Variants in WWC1 observed in about 807,000 individuals in gnomAD.
The protein encoded by WWC1 is WW and C2 domain containing 1, also known as protein KIBRA.
A neutral mutation model predicts 138.4 loss-of-function variants in WWC1; 55 were observed. The observed-to-expected ratio is 0.40, with a 90% CI of 0.32 to 0.50. The LOEUF (loss-of-function observed/expected upper bound fraction) is 0.50, where lower values mean the gene tolerates loss of function less well. Ranked by LOEUF, WWC1 falls within the 20% of genes least tolerant of loss-of-function variation. The pLI, the probability that WWC1 is intolerant of heterozygous loss-of-function variation, is 0.72. For synonymous variants in WWC1, 524 were observed against 564.9 expected, an observed-to-expected ratio of 0.93 and a Z score of 1.03; for missense variants, 1,226 against 1,420.4, an observed-to-expected ratio of 0.86 and a Z score of 2.20.
chr5:168,408,335 A>G (rs1779960530), intron 6 of WWC1, among the ~76,000 whole-genome samples, 172 bp from the exon 7 acceptor site: 1 of 148,744 alleles, frequency 6.7e-6, no homozygotes, highest in Non-Finnish European at 1.5e-5. Flanking sequence ...AGCCTGGCAC[A>G]CAGCAAGGAC....
chr5:168,383,187 A>C (rs1420050425), intron 2 of WWC1, among the ~76,000 whole-genome samples: 1 of 151,872 alleles, frequency 6.6e-6, no homozygotes, highest in Non-Finnish European at 1.5e-5. Flanking sequence ...AAAAACAAAA[A>C]AAAAAAAAGA....
Position 168,408,366 on chromosome 5 carries a change from A to T in WWC1, c.721-141A>T, listed in dbSNP as rs35446328. On this transcript the variant is annotated intron_variant, in intron 6 of 22. Coordinates refer to ENST00000265293, the MANE Select transcript of WWC1 (RefSeq NM_015238.3). Reference sequence around the variant, plus strand: ...AGGACCCACTCACTGCTAGCTCTCTATCACAGGATCAGTAGGATATCTGGG... The same window carrying T: ...AGGACCCACTCACTGCTAGCTCTCTTTCACAGGATCAGTAGGATATCTGGG... 129,823 of 978,062 alleles carry T rather than the reference A, an allele frequency of 0.13. 9,360 individuals are homozygous for T. Among genetic ancestry groups the T allele is most frequent in the Non-Finnish European group, 0.14 (95,212 of 666,142 alleles). The allele number at this position is 978,062 out of a possible 1,614,324, so 60.6% of individuals were successfully genotyped here.
At chr5:168,363,445 A>T (rs1776033926) in intron 1 of WWC1, among the ~76,000 whole-genome samples, 1 of 138,940 alleles carries the variant, frequency 7.2e-6, no homozygotes. Flanking sequence ...AATCACTTGA[A>T]CCCTGGGAGG....
At chr5:168,359,558 A>G (rs969566710) in intron 1 of WWC1, among the ~76,000 whole-genome samples, 2 of 152,214 alleles carry the variant, frequency 1.3e-5, no homozygotes, top group Admixed American at 1.3e-4. Flanking sequence ...GATTTTAAGA[A>G]GCACCATTAT....
At chr5:168,367,869 AAAAG>A (rs1372256478) in intron 1 of WWC1, among the ~76,000 whole-genome samples, 1 of 152,186 alleles carries the variant, frequency 6.6e-6, no homozygotes, top group East Asian at 1.9e-4. Flanking sequence ...TTAATAAAAA[AAAAG>A]AAAGAGAAGA....
At chr5:168,374,386 G>A (rs1045075405) in intron 2 of WWC1, among the ~76,000 whole-genome samples, 1 of 142,812 alleles carries the variant, frequency 7.0e-6, no homozygotes, top group African/African-American at 2.6e-5. Context: ...TAAATATGAT[G>A]TGGTCTTCCG....
At chr5:168,295,762 C>G (rs1769484208) in intron 1 of WWC1, among the ~76,000 whole-genome samples, 1 of 152,182 alleles carries the variant, frequency 6.6e-6, no homozygotes, top group South Asian at 2.1e-4. Context: ...CAGTTTTCAG[C>G]TTCCCCTTTC....
intron 16 of WWC1, among the ~76,000 whole-genome samples, chr5:168,442,841 A>G (rs1754906424): frequency 6.6e-6 from 1 of 151,530 alleles, no homozygotes; most frequent in African/African-American, 2.4e-5. Context: ...CATCTCAGAA[A>G]AAAAAAAAAA....
At chr5:168,329,183 C>T (rs1168794713) in intron 1 of WWC1, among the ~76,000 whole-genome samples, 1 of 152,180 alleles carries the variant, frequency 6.6e-6, no homozygotes, top group Non-Finnish European at 1.5e-5. Context: ...CTTGATTGCA[C>T]TGCTGACTGA....
chr5:168,382,014 A>C (rs993856177), intron 2 of WWC1, among the ~76,000 whole-genome samples: 2 of 152,158 alleles, frequency 1.3e-5, no homozygotes, highest in African/African-American at 4.8e-5. Flanking sequence ...TATCCCACAG[A>C]ATTAATAGCA....
At chr5:168,309,769 A>G (rs1770902199) in intron 1 of WWC1, among the ~76,000 whole-genome samples, 1 of 151,950 alleles carries the variant, frequency 6.6e-6, no homozygotes, top group African/African-American at 2.4e-5. Flanking sequence ...TAGAACATGG[A>G]GACCTCTCCC....
chr5:168,355,631 A>G (rs1775348821), intron 1 of WWC1, among the ~76,000 whole-genome samples: 3 of 152,098 alleles, frequency 2.0e-5, no homozygotes, highest in African/African-American at 7.2e-5. Flanking sequence ...TGAGGTGGGA[A>G]TGAGGTTACT....
chr5:168,291,996 C>T lies in WWC1; in HGVS notation c.-157C>T. The T allele has an allele frequency of 1.2e-6, 1 of 820,858 alleles. No homozygotes were observed. The highest frequency in any genetic ancestry group is 1.7e-6 in the Non-Finnish European group (1 of 596,834). The allele number at this position is 820,858 out of a possible 1,614,324, so 50.8% of individuals were successfully genotyped here. A position where few individuals can be genotyped will look rare whatever the true frequency, so the allele number is the denominator to read the frequency against. ...CAGGGCCGCATGGACAGCGGCGCCACCCCGGCCGGCCCCTACTAGGGCCCC... is the reference window on the plus strand; with the variant it reads ...CAGGGCCGCATGGACAGCGGCGCCATCCCGGCCGGCCCCTACTAGGGCCCC... On this transcript the variant is annotated 5_prime_UTR_variant, in exon 1 of 23. Coordinates refer to ENST00000265293, the MANE Select transcript of WWC1 (RefSeq NM_015238.3).
intron 1 of WWC1, among the ~76,000 whole-genome samples, chr5:168,313,594 C>T (rs778101074): frequency 1.4e-5 from 2 of 141,396 alleles, no homozygotes; most frequent in South Asian, 2.2e-4. Context: ...GTCTCAAAAA[C>T]GAAAAAAAAA....
At chr5:168,340,369 C>T (rs1773942426) in intron 1 of WWC1, among the ~76,000 whole-genome samples, 1 of 152,202 alleles carries the variant, frequency 6.6e-6, no homozygotes, top group Non-Finnish European at 1.5e-5. Context: ...CCATTTAAAG[C>T]TTACAATTAA....
At chr5:168,364,362 A>G (rs947533184) in intron 1 of WWC1, among the ~76,000 whole-genome samples, 9 of 151,846 alleles carry the variant, frequency 5.9e-5, no homozygotes, top group African/African-American at 1.7e-4. Context: ...CTCCCTGCCC[A>G]TGGCCCGTTG....
rs1234119077 is a variant in WWC1, at chr5:168,444,480, C to T, written c.2434-14C>T. The T allele has an allele frequency of 6.4e-7, 1 of 1,558,092 alleles. No homozygotes were observed. The highest frequency in any genetic ancestry group is 1.4e-5 in the African/African-American group (1 of 73,556). On this transcript the variant is annotated splice_polypyrimidine_tract_variant and intron_variant, in intron 16 of 22. Transcript: ENST00000265293. ...ACATTGTACCCAATGACCCAGCAAC[C>T]TTTGTCTCTATAGGACGCTGTGTCT...
At chr5:168,407,821 T>G (rs1451608644) in intron 6 of WWC1, among the ~76,000 whole-genome samples, 1 of 152,122 alleles carries the variant, frequency 6.6e-6, no homozygotes, top group East Asian at 1.9e-4. Flanking sequence ...TCATCTCATT[T>G]AATCAAGATG....
intron 1 of WWC1, among the ~76,000 whole-genome samples, chr5:168,298,169 G>T (rs1161680882): frequency 6.6e-6 from 1 of 152,114 alleles, no homozygotes; most frequent in Non-Finnish European, 1.5e-5. Flanking sequence ...CTCCCGAGTA[G>T]CTGGGATTAC....
Sources: allele counts gnomAD v4.1 joint callset (sites outside exome capture counted in the v4.1 genomes callset), GRCh38; gene constraint gnomAD v4.1.1; transcripts MANE v1.5; gene names NCBI Gene and HGNC (gene_info 2026-07-23, HGNC 2026-07-21).